Variants in WNK3 observed in about 807,000 individuals in gnomAD.
WNK3 encodes WNK lysine deficient protein kinase 3.
Under a neutral mutation model 116.7 loss-of-function variants are expected in WNK3, and 18 were observed. The observed-to-expected ratio is 0.15, with a 90% CI of 0.11 to 0.23. WNK3 has a LOEUF of 0.23. WNK3 is among the 10% of genes least tolerant of loss of function. The probability of loss-of-function intolerance (pLI) is 1.00; values close to 1 mark genes in which losing one functional copy is unlikely to be tolerated. For missense variants in WNK3, 993 were observed against 1,323.8 expected, an observed-to-expected ratio of 0.75 and a Z score of 3.88; for synonymous variants, 404 against 469.4, an observed-to-expected ratio of 0.86 and a Z score of 1.80.
At chrX:54,199,493 A>T (rs2067480248) in intron 23 of WNK3, among the ~76,000 whole-genome samples, 1 of 111,694 alleles carries the variant, frequency 9.0e-6, no homozygotes, top group South Asian at 3.8e-4. Flanking sequence ...TCAAAAAACA[A>T]GTCTGATCAT....
chrX:54,257,929 A>T (rs906303689), intron 11 of WNK3, among the ~76,000 whole-genome samples: 1 of 110,429 alleles, frequency 9.1e-6, no homozygotes, highest in African/African-American at 3.3e-5. Flanking sequence ...GAATGCAAAA[A>T]GGTAATCAAC....
At chrX:54,336,755 G>A (rs1173283033) in intron 1 of WNK3, among the ~76,000 whole-genome samples, 1 of 111,474 alleles carries the variant, frequency 9.0e-6, no homozygotes, top group Admixed American at 9.7e-5. Context: ...AATAGTGGCA[G>A]GAGGGATAGG....
chrX:54,353,276 T>C (rs1381580948), intron 1 of WNK3, among the ~76,000 whole-genome samples: 1 of 110,842 alleles, frequency 9.0e-6, no homozygotes. Context: ...CTGACCAACA[T>C]GGAGAAACCC....
intron 22 of WNK3, among the ~76,000 whole-genome samples, chrX:54,213,581 AAC>A (rs2067647766): frequency 2.9e-5 from 3 of 105,096 alleles, no homozygotes; most frequent in African/African-American, 1.1e-4. Flanking sequence ...AAAAAAAAAA[AAC>A]TAGGGGAAAA....
rs782580375 is a variant in WNK3 at position 54,213,553 on chromosome X, C to CAA, written c.4871-11362_4871-11361dup. 1.8e-3 allele frequency among the ~76,000 whole-genome samples: 26 copies of CAA among 14,217 alleles called. 4 individuals are homozygous for CAA. The highest frequency in any genetic ancestry group is 0.011 in the African/African-American group (20 of 1,771). 12.3% of individuals were successfully genotyped at this position (14,217 alleles called of 115,157 possible). A position where few individuals can be genotyped will look rare whatever the true frequency, so the allele number is the denominator to read the frequency against. ...AGGGCGACAGAGTGAGACTCCGTCT[C>CAA]AAAAAAAAAAACAAACAAAAAAAAA... On this transcript the variant is annotated intron_variant, in intron 22 of 23. Transcript: ENST00000354646.
chrX:54,256,518 T>C (rs1557155579), intron 11 of WNK3, among the ~76,000 whole-genome samples: 1 of 112,231 alleles, frequency 8.9e-6, no homozygotes, highest in Non-Finnish European at 1.9e-5. Context: ...CCTTTTAGTT[T>C]ATCTGCGTCA....
rs73477203 is a variant in WNK3, at chrX:54,265,752, C to T, written c.2038-6414G>A. ...CAATTAGGAGACTACTACAATTATT[C>T]AAGAGATGAGGCTGGGCACAGTGGC... is the stretch of plus-strand genomic sequence containing the variant. On this transcript the variant is annotated intron_variant, in intron 10 of 23. Transcript: ENST00000354646. 5.5e-3 allele frequency among the ~76,000 whole-genome samples: 618 copies of T among 112,758 alleles called. 4 individuals are homozygous for T. Among genetic ancestry groups the T allele is most frequent in the African/African-American group, 0.019 (588 of 31,167 alleles).
At chrX:54,345,282 ATATGTATGTATGTATGTATGTATG>A (rs572331448) in intron 1 of WNK3, among the ~76,000 whole-genome samples, 1 of 100,909 alleles carries the variant, frequency 9.9e-6, no homozygotes. Flanking sequence ...AACTATATAT[ATATGTATGTATGTATGTATGTATG>A]TATGTATGTA....
intron 20 of WNK3, among the ~76,000 whole-genome samples, chrX:54,233,852 G>A (rs782346493): frequency 1.0e-3 from 107 of 105,625 alleles, no homozygotes; most frequent in Admixed American, 4.4e-3. Flanking sequence ...ATGATGGCAC[G>A]TGCCTGTAGT....
At chrX:54,280,294 C>A in intron 10 of WNK3, among the ~76,000 whole-genome samples, 1 of 103,509 alleles carries the variant, frequency 9.7e-6, no homozygotes, top group Non-Finnish European at 2.0e-5. Flanking sequence ...AAGACTCTGT[C>A]TCAAAAAAAA....
intron 10 of WNK3, among the ~76,000 whole-genome samples, chrX:54,275,178 C>T (rs2068428726): frequency 9.2e-6 from 1 of 108,149 alleles, no homozygotes; most frequent in Non-Finnish European, 1.9e-5. Context: ...TAGCCAGGTG[C>T]GGTGGTAGGC....
intron 10 of WNK3, among the ~76,000 whole-genome samples, chrX:54,267,959 C>T (rs1175673937): frequency 9.1e-6 from 1 of 110,281 alleles, no homozygotes; most frequent in Non-Finnish European, 1.9e-5. Context: ...TAATTTGAAA[C>T]GTCATTATAC....
chrX:54,308,608 C>T (rs2068852896), intron 4 of WNK3, among the ~76,000 whole-genome samples: 2 of 111,837 alleles, frequency 1.8e-5, no homozygotes, highest in African/African-American at 3.2e-5. Flanking sequence ...GATTAGGTAA[C>T]GATTAATAAA....
chrX:54,211,807 CA>C (rs782007196), intron 22 of WNK3, among the ~76,000 whole-genome samples: 6 of 104,555 alleles, frequency 5.7e-5, no homozygotes, highest in African/African-American at 2.1e-4. Context: ...GACTCTGCCT[CA>C]AAAAAAAAGA....
At chrX:54,309,037 C>A in intron 4 of WNK3, 58 bp downstream of exon 4, 2 of 1,023,501 alleles carry the variant, frequency 2.0e-6, no homozygotes, top group Non-Finnish European at 2.7e-6. Flanking sequence ...CTGTTCTAGA[C>A]CTATACAATT....
chrX:54,228,676 A>T (rs555571901), intron 22 of WNK3, 38 bp downstream of exon 22: 71 of 461,784 alleles, frequency 1.5e-4, no homozygotes, highest in South Asian at 4.2e-4. Flanking sequence ...GTAATTTTTT[A>T]AAAAAATTAA....
At chrX:54,213,223 T>C (rs1310599419) in intron 22 of WNK3, among the ~76,000 whole-genome samples, 1 of 108,776 alleles carries the variant, frequency 9.2e-6, no homozygotes, top group African/African-American at 3.4e-5. Flanking sequence ...TGGGCTCAAG[T>C]AATCCTGCTG....
At chrX:54,291,733 T>C (rs1443050850) in intron 10 of WNK3, among the ~76,000 whole-genome samples, 1 of 112,172 alleles carries the variant, frequency 8.9e-6, no homozygotes, top group Admixed American at 9.5e-5. Flanking sequence ...TGCTTTCCCC[T>C]AAAAGACTGG....
At chrX:54,345,784 T>C (rs782619217) in intron 1 of WNK3, among the ~76,000 whole-genome samples, 10 of 82,318 alleles carry the variant, frequency 1.2e-4, no homozygotes, top group African/African-American at 4.7e-4. Flanking sequence ...AGACTCAGTA[T>C]CAAAAAAAAA....
Sources: allele counts gnomAD v4.1 joint callset (sites outside exome capture counted in the v4.1 genomes callset), GRCh38; gene constraint gnomAD v4.1.1; transcripts MANE v1.5; gene names NCBI Gene and HGNC (gene_info 2026-07-23, HGNC 2026-07-21).